The following DPYD variants were observed in gnomAD, a reference collection of about 807,000 sequenced individuals.
DPYD encodes the protein dihydropyrimidine dehydrogenase.
A neutral mutation model predicts 116.2 loss-of-function variants in DPYD; 109 were observed. The ratio of observed to expected loss-of-function variants is 0.94; its 90% CI spans 0.80 to 1.10. The LOEUF (loss-of-function observed/expected upper bound fraction) is 1.10. DPYD is among the 50% of genes least tolerant of loss of function. The pLI is 0.00. For missense variants in DPYD, 1,302 were observed against 1,254.5 expected, an observed-to-expected ratio of 1.04 and a Z score of -0.57; for synonymous variants, 440 against 432.0, an observed-to-expected ratio of 1.02 and a Z score of -0.23.
At chr1:97,826,297 T>C (rs1218242704) in intron 3 of DPYD, among the ~76,000 whole-genome samples, 1 of 152,228 alleles carries the variant, frequency 6.6e-6, no homozygotes, top group Non-Finnish European at 1.5e-5. Context: ...AAGTTAATTC[T>C]TATAATTCAA....
At chr1:97,690,692 T>G (rs867486089) in intron 7 of DPYD, among the ~76,000 whole-genome samples, 1 of 152,052 alleles carries the variant, frequency 6.6e-6, no homozygotes, top group Non-Finnish European at 1.5e-5. Context: ...CAGAATGTAC[T>G]TCTGTAAAAT....
chr1:97,836,988 A>G (rs1669801791), intron 2 of DPYD, among the ~76,000 whole-genome samples: 1 of 152,152 alleles, frequency 6.6e-6, no homozygotes, highest in Admixed American at 6.5e-5. Context: ...ACATGAGGAA[A>G]GATTAATAGA....
At chr1:97,624,117 T>C (rs188808548) in intron 8 of DPYD, among the ~76,000 whole-genome samples, 25 of 152,044 alleles carry the variant, frequency 1.6e-4, no homozygotes, top group African/African-American at 5.8e-4. Flanking sequence ...AAAGCAAAAA[T>C]AGAGAAATGG....
At chr1:97,637,658 A>T (rs1339393629) in intron 8 of DPYD, among the ~76,000 whole-genome samples, 1 of 152,164 alleles carries the variant, frequency 6.6e-6, no homozygotes, top group East Asian at 1.9e-4. Context: ...GAAAGAAGAC[A>T]ACAAAGGAAA....
intron 10 of DPYD, among the ~76,000 whole-genome samples, chr1:97,583,706 T>A (rs1011566540): frequency 6.6e-6 from 1 of 150,644 alleles, no homozygotes; most frequent in East Asian, 1.9e-4. Context: ...AAACTAGGGA[T>A]AATTTACTTT....
At chr1:97,585,260 T>A (rs1557817656) in intron 10 of DPYD, among the ~76,000 whole-genome samples, 1 of 152,160 alleles carries the variant, frequency 6.6e-6, no homozygotes, top group African/African-American at 2.4e-5. Context: ...GTACCCTATG[T>A]GATAAATTCT....
chr1:97,910,003 C>A (rs1673851949), intron 1 of DPYD, among the ~76,000 whole-genome samples: 1 of 151,968 alleles, frequency 6.6e-6, no homozygotes, highest in South Asian at 2.1e-4. Context: ...TTTCATTTTT[C>A]CTCAAAAGCC....
At chr1:97,485,547 T>G (rs1678582762) in intron 13 of DPYD, among the ~76,000 whole-genome samples, 1 of 152,164 alleles carries the variant, frequency 6.6e-6, no homozygotes, top group African/African-American at 2.4e-5. Context: ...TCCATGTCAT[T>G]TAATATTTTA....
rs79005678 is a variant in DPYD at position 97,794,327 on chromosome 1, A to G, written c.233+33787T>C. On this transcript the variant is annotated intron_variant, in intron 3 of 22. Coordinates refer to ENST00000370192, the MANE Select transcript of DPYD (RefSeq NM_000110.4). ...ATATCTGATAAGAACTTGAATCCAT[A>G]ATATTGTTTAAACTCTCAAAAATAA... Among the ~76,000 whole-genome samples the G allele has an allele frequency of 3.2e-4, 48 of 152,322 alleles. No individual in the cohort carries two copies. The East Asian group carries it at 6.4e-3, about 20-fold the overall frequency.
chr1:97,241,094 A>T (rs1662308171), intron 18 of DPYD, among the ~76,000 whole-genome samples: 1 of 152,096 alleles, frequency 6.6e-6, no homozygotes, highest in Non-Finnish European at 1.5e-5. Flanking sequence ...TTTTAGTTGA[A>T]TTTTTTATGT....
chr1:97,481,734 C>A (rs1382072059), intron 13 of DPYD, among the ~76,000 whole-genome samples: 1 of 152,164 alleles, frequency 6.6e-6, no homozygotes, highest in African/African-American at 2.4e-5. Flanking sequence ...AAAATTCAAG[C>A]TATTCCTTAA....
At chr1:97,748,891 G>A (rs1664707962) in intron 3 of DPYD, among the ~76,000 whole-genome samples, 3 of 152,140 alleles carry the variant, frequency 2.0e-5, no homozygotes, top group African/African-American at 7.2e-5. Context: ...AATTAAAAAT[G>A]ACAGGTTGGA....
chr1:97,364,411 C>G (rs1398295425), intron 16 of DPYD, among the ~76,000 whole-genome samples: 1 of 152,024 alleles, frequency 6.6e-6, no homozygotes, highest in East Asian at 1.9e-4. Context: ...GGGGCAAAAA[C>G]TCAAGCAATC....
chr1:97,907,923 G>C (rs576704920), intron 1 of DPYD, among the ~76,000 whole-genome samples: 1 of 152,210 alleles, frequency 6.6e-6, no homozygotes, highest in African/African-American at 2.4e-5. Context: ...TATTCCCTCT[G>C]AAATCTGTAG....
intron 14 of DPYD, among the ~76,000 whole-genome samples, chr1:97,424,169 T>C (rs1455263252): frequency 2.0e-5 from 3 of 152,142 alleles, no homozygotes; most frequent in Non-Finnish European, 4.4e-5. Context: ...TAAAAATGAT[T>C]ATCTTGAAAG....
chr1:97,828,265 CA>C, intron 2 of DPYD, 69 bp from the exon 3 acceptor site: 1 of 1,422,074 alleles, frequency 7.0e-7, no homozygotes. Context: ...TGCAGTTATG[CA>C]AAAATGTAAT....
At chr1:97,275,966 C>CT (rs5776359) in intron 18 of DPYD, among the ~76,000 whole-genome samples, 38,475 of 151,742 alleles carry the variant, frequency 0.25, 5,310 homozygotes, top group Non-Finnish European at 0.3. Context: ...CATTGGACCT[C>CT]TTTTTTTTCT....
chr1:97,749,439 C>T (rs1319700552), intron 3 of DPYD, among the ~76,000 whole-genome samples: 1 of 152,132 alleles, frequency 6.6e-6, no homozygotes, highest in Non-Finnish European at 1.5e-5. Context: ...AACGATACTC[C>T]CATATATGAA....
At chr1:97,906,701 T>C (rs192911920) in intron 1 of DPYD, among the ~76,000 whole-genome samples, 4 of 152,232 alleles carry the variant, frequency 2.6e-5, no homozygotes, top group Admixed American at 2.6e-4. Flanking sequence ...CAATGCTTTT[T>C]CCGTTGTAAC....
Sources: gnomAD v4.1 joint callset for allele counts (sites outside exome capture counted in the v4.1 genomes callset) on GRCh38, gnomAD v4.1.1 for gene constraint, MANE v1.5 for transcripts, NCBI Gene and HGNC (gene_info 2026-07-23, HGNC 2026-07-21) for gene names.